Variants in ZNF594 observed in about 807,000 individuals in gnomAD.
The protein encoded by ZNF594 is zinc finger protein HZF18.
For missense variants in ZNF594, 1,037 were observed against 964.6 expected (o/e 1.08, Z -0.99); for synonymous variants, 336 against 309.4 (o/e 1.09, Z -0.90).
rs551711567 is a variant in ZNF594 at position 5,181,657 on chromosome 17, T to C, written c.*176A>G. 1.1e-5 allele frequency: 17 copies of C among 1,582,006 alleles called. No homozygotes were observed. Among genetic ancestry groups the C allele is most frequent in the Admixed American group, 8.3e-5 (5 of 59,974 alleles). ...GTGCACTGATAGGGCTTCTCTCCAG[T>C]GTGGATTTTCTGGTGTGTGACAAGG... is the stretch of plus-strand genomic sequence containing the variant. On this transcript the variant is annotated 3_prime_UTR_variant, in exon 2 of 2. Transcript: ENST00000575779.
intron 1 of ZNF594, among the ~76,000 whole-genome samples, chr17:5,187,154 G>T (rs912742281): frequency 6.6e-6 from 1 of 152,214 alleles, no homozygotes; most frequent in Admixed American, 6.5e-5. Flanking sequence ...AGAAAAAGAG[G>T]TTTAATTGGA....
chr17:5,174,264 AT>A, the ZNF594 span: 2 of 188,728 alleles, frequency 1.1e-5, no homozygotes, highest in African/African-American at 4.7e-5. Context: ...GTTTCTTAAT[AT>A]ATACTTGAAG....
In ZNF594 at chr17:5,182,005, T is replaced by C. The variant is rs769574446; in HGVS notation, c.2252A>G (p.Glu751Gly). The C allele has an allele frequency of 3.7e-6, 6 of 1,613,664 alleles. No homozygotes were observed. In the Admixed American group the frequency reaches 1.0e-4, roughly 27 times the overall value. ...TFSKDEELRK[E>G]QRTHQEKKVY... ...TTTCTTTTCCTGGTGAGTTCTCTGC[T>C]CTTTTCTAAGCTCCTCATCCTTGCT... Residue 751 changes from glutamate (E) to glycine (G), a missense_variant, in exon 2 of 2, where the codon GAG becomes GGG. By Grantham distance (98) the Glu-to-Gly change is moderately conservative. Coordinates refer to ENST00000575779, the MANE Select transcript of ZNF594 (RefSeq NM_032530.2).
rs2074342401 is a variant in ZNF594, at chr17:5,181,740, G to C, written c.*93C>G. ...ACTACATTCATGAGGTTTCTCTCCA[G>C]TATGAACACGATGGTGTTTAATAAG... On this transcript the variant is annotated 3_prime_UTR_variant, in exon 2 of 2. Transcript: ENST00000575779. 3 of 1,593,906 alleles carry C rather than the reference G, an allele frequency of 1.9e-6. No homozygotes were observed. Among genetic ancestry groups the C allele is most frequent in the Non-Finnish European group, 2.6e-6 (3 of 1,161,854 alleles).
At chr17:5,185,969 T>C (rs1481169599) in intron 1 of ZNF594, among the ~76,000 whole-genome samples, 2 of 152,180 alleles carry the variant, frequency 1.3e-5, no homozygotes, top group African/African-American at 4.8e-5. Flanking sequence ...TCCTGGCTGC[T>C]TTCACGGGCT....
rs556545480 is a variant in ZNF594, at chr17:5,183,266, T to C, written c.991A>G (p.Thr331Ala). Residue 331 changes from threonine (T) to alanine (A), a missense_variant, in exon 2 of 2, where the codon ACC becomes GCC. Thr to Ala is a moderately conservative substitution (Grantham distance 58). Coordinates refer to ENST00000575779, the MANE Select transcript of ZNF594 (RefSeq NM_032530.2). Reference protein sequence around the residue: ...KPYECHRCGKTFSGRTAFLKH... With the variant: ...KPYECHRCGKAFSGRTAFLKH... ...AGAAAAGCTGTGCGCCCACTGAAGG[T>C]CTTCCCACATCTGTGACATTCATAG... 2 of 1,614,050 alleles carry C rather than the reference T, an allele frequency of 1.2e-6. No individual in the cohort carries two copies. Among genetic ancestry groups the C allele is most frequent in the Non-Finnish European group, 1.7e-6 (2 of 1,180,004 alleles).
At chr17:5,188,948 C>T (rs2074404188) in intron 1 of ZNF594, among the ~76,000 whole-genome samples, 1 of 151,902 alleles carries the variant, frequency 6.6e-6, no homozygotes, top group East Asian at 1.9e-4. Flanking sequence ...GGGGTTTCAC[C>T]ACATTAGCCA....
At chr17:5,177,475 C>G (rs182430482), downstream of ZNF594, among the ~76,000 whole-genome samples, 1 of 152,160 alleles carries the variant, frequency 6.6e-6, no homozygotes, top group East Asian at 1.9e-4. Context: ...TTTGGGAGTT[C>G]GAGGCAGGTG....
chr17:5,181,850 G>C lies in ZNF594; in HGVS notation c.2407C>G (p.Pro803Ala), dbSNP rs149179379. ...ECGKTQSELRPSETS is the reference protein window; with the variant it reads ...ECGKTQSELRASETS ...TGTGAATTCTATGATGTCTCAGAAGGTCTGAGCTCTGATTGAGTTTTCCCA... is the reference window on the plus strand; with the variant it reads ...TGTGAATTCTATGATGTCTCAGAAGCTCTGAGCTCTGATTGAGTTTTCCCA... Residue 803 changes from proline to alanine, a missense_variant, in exon 2 of 2, where the codon CCT (proline) becomes GCT (alanine). Pro to Ala is a conservative substitution (Grantham distance 27). Transcript: ENST00000575779. The C allele has an allele frequency of 1.2e-6, 2 of 1,613,948 alleles. No individual in the cohort carries two copies. Among genetic ancestry groups the C allele is most frequent in the Admixed American group, 3.3e-5 (2 of 60,020 alleles).
downstream of ZNF594, among the ~76,000 whole-genome samples, chr17:5,179,367 G>A (rs2074323846): frequency 6.6e-6 from 1 of 150,538 alleles, no homozygotes; most frequent in South Asian, 2.2e-4. Flanking sequence ...CTGGGTCTCT[G>A]GAGCTGCACC....
chr17:5,181,075 T>C lies in ZNF594; in HGVS notation c.*758A>G, dbSNP rs763683078. ...TTGCTACATTCAAAGGGTTTCTCTCTGGTATGAATTCTTTGATGACTGACA... is the reference window on the plus strand; with the variant it reads ...TTGCTACATTCAAAGGGTTTCTCTCCGGTATGAATTCTTTGATGACTGACA... On this transcript the variant is annotated 3_prime_UTR_variant, in exon 2 of 2. Transcript: ENST00000575779. 1.5e-6 allele frequency: 2 copies of C among 1,362,682 alleles called. No individual in the cohort carries two copies. The highest frequency in any genetic ancestry group is 2.1e-6 in the Non-Finnish European group (2 of 961,776). The allele number at this position is 1,362,682 out of a possible 1,614,324, so 84.4% of individuals were successfully genotyped here. A position where few individuals can be genotyped will look rare whatever the true frequency, so the allele number is the denominator to read the frequency against.
rs759814663 is a variant in ZNF594 at position 5,182,019 on chromosome 17, C to T, written c.2238G>A (p.Glu746=). The change falls in exon 2 of 2, where the codon GAG becomes GAA. Residue 746 remains glutamate (E), a synonymous_variant. Coordinates refer to ENST00000575779, the MANE Select transcript of ZNF594 (RefSeq NM_032530.2). Reference sequence around the variant, plus strand: ...GAGTTCTCTGCTCTTTTCTAAGCTCCTCATCCTTGCTGAAGGTTTTCTCAC... The same window carrying T: ...GAGTTCTCTGCTCTTTTCTAAGCTCTTCATCCTTGCTGAAGGTTTTCTCAC... ...EECEKTFSKD[E]ELRKEQRTHQ... is the part of the protein sequence containing the mutation. 5 of 1,613,476 alleles carry T rather than the reference C, an allele frequency of 3.1e-6. No individual in the cohort carries two copies. The South Asian group carries it at 3.3e-5, about 11-fold the overall frequency.
Position 5,180,339 on chromosome 17 carries a change from GGATTACAGGTAC to G in ZNF594, c.*1482_*1493del, listed in dbSNP as rs1462730763. ...GCCCACCTTGGCTTCCCAAAGTGCT[GGATTACAGGTAC>G]GAGCCACCGCACCTGGCCTACACTC... On this transcript the variant is annotated 3_prime_UTR_variant, in exon 2 of 2. Coordinates refer to ENST00000575779, the MANE Select transcript of ZNF594 (RefSeq NM_032530.2). The G allele has an allele frequency of 6.6e-6, 1 of 152,206 alleles. No individual in the cohort carries two copies. The highest frequency in any genetic ancestry group is 1.9e-4 in the East Asian group (1 of 5,186). The allele number at this position is 152,206 out of a possible 1,614,324, so 9.4% of individuals were successfully genotyped here. A position where few individuals can be genotyped will look rare whatever the true frequency, so the allele number is the denominator to read the frequency against.
rs781533971 is a variant in ZNF594 at position 5,181,118 on chromosome 17, G to A, written c.*715C>T. 1.9e-6 allele frequency: 3 copies of A among 1,560,314 alleles called. No homozygotes were observed. The highest frequency in any genetic ancestry group is 3.3e-5 in the Admixed American group (2 of 59,954). Reference sequence around the variant, plus strand: ...GACTGACAAGGTGTGAGTTCTGACTGAAGGCCTTCCAACATTCAGGGCATT... The same window carrying A: ...GACTGACAAGGTGTGAGTTCTGACTAAAGGCCTTCCAACATTCAGGGCATT... On this transcript the variant is annotated 3_prime_UTR_variant, in exon 2 of 2. Coordinates refer to ENST00000575779, the MANE Select transcript of ZNF594 (RefSeq NM_032530.2).
Position 5,183,583 on chromosome 17 carries a change from T to A in ZNF594, c.674A>T (p.Asn225Ile), listed in dbSNP as rs934765729. ...GTGGATTCTCTGGTGCAGGACAAGGTTTGAGCTTCCCTTAAAAGCCTTCCC... is the reference window on the plus strand; with the variant it reads ...GTGGATTCTCTGGTGCAGGACAAGGATTGAGCTTCCCTTAAAAGCCTTCCC... Reference protein sequence around the residue: ...ECGKAFKGSSNLVLHQRIHSR... With the variant: ...ECGKAFKGSSILVLHQRIHSR... The change falls in exon 2 of 2, where the codon AAC (asparagine) becomes ATC (isoleucine). Residue 225 changes from asparagine to isoleucine, a missense_variant. Asn to Ile is a moderately radical substitution (Grantham distance 149). Coordinates refer to ENST00000575779, the MANE Select transcript of ZNF594 (RefSeq NM_032530.2). 1 of 1,614,182 alleles carries A rather than the reference T, an allele frequency of 6.2e-7. No homozygotes were observed. The highest frequency in any genetic ancestry group is 1.1e-5 in the South Asian group (1 of 91,082).
At chr17:5,191,208 C>G (rs372431053) in intron 1 of ZNF594, among the ~76,000 whole-genome samples, 3 of 152,148 alleles carry the variant, frequency 2.0e-5, no homozygotes, top group Non-Finnish European at 4.4e-5. Flanking sequence ...CTGTAACTCG[C>G]TTGGTCACAA....
In ZNF594 at chr17:5,182,167, T is replaced by C; in HGVS notation, c.2090A>G (p.Gln697Arg). The C allele has an allele frequency of 1.2e-6, 2 of 1,613,616 alleles. No homozygotes were observed. The highest frequency in any genetic ancestry group is 2.2e-5 in the East Asian group (1 of 44,844). ...CTCACCACTATGAAGTCTCCGATGT[T>C]GAATAAGGAGGGAACGCCGCCTGAA... The part of the protein sequence containing the change: ...NAFRRRSLLI[Q>R]HRRLHSGEKP... The change falls in exon 2 of 2, where the codon CAA becomes CGA. Residue 697 changes from glutamine to arginine, a missense_variant. Coordinates refer to ENST00000575779, the MANE Select transcript of ZNF594 (RefSeq NM_032530.2).
chr17:5,188,227 A>G (rs2074398796), intron 1 of ZNF594, among the ~76,000 whole-genome samples: 1 of 144,616 alleles, frequency 6.9e-6, no homozygotes, highest in Non-Finnish European at 1.5e-5. Flanking sequence ...AAAATTCAGG[A>G]GCAGATTACT....
downstream of ZNF594, among the ~76,000 whole-genome samples, chr17:5,176,834 A>T (rs2074311279): frequency 6.6e-6 from 1 of 152,164 alleles, no homozygotes; most frequent in Non-Finnish European, 1.5e-5. Context: ...AAAGAATGAG[A>T]AAGTAATAAA....
Sources: gnomAD v4.1 joint callset for allele counts (sites outside exome capture counted in the v4.1 genomes callset) on GRCh38, gnomAD v4.1.1 for gene constraint, MANE v1.5 for transcripts, NCBI Gene and HGNC (gene_info 2026-07-23, HGNC 2026-07-21) for gene names.